Variants in WDR49 observed in about 807,000 individuals in gnomAD.
WDR49 encodes the protein WD repeat domain 49, also known as cilia- and flagella-associated protein 337.
WDR49 carries 107 observed loss-of-function variants against 119.5 expected under a neutral mutation model. The ratio of observed to expected loss-of-function variants is 0.90; its 90% confidence interval spans 0.77 to 1.05. WDR49 has a LOEUF of 1.05. WDR49 is among the 50% of genes least tolerant of loss of function. The probability of loss-of-function intolerance (pLI) is 0.00; values close to 1 mark genes in which losing one functional copy is unlikely to be tolerated. For missense variants in WDR49, 1,240 were observed against 1,220.5 expected, an observed-to-expected ratio of 1.02 and a Z score of -0.24; for synonymous variants, 425 against 418.8, an observed-to-expected ratio of 1.01 and a Z score of -0.18.
intron 16 of WDR49, among the ~76,000 whole-genome samples, chr3:167,506,501 A>C (rs1388741921): frequency 6.6e-6 from 1 of 152,220 alleles, no homozygotes; most frequent in Non-Finnish European, 1.5e-5. Flanking sequence ...TCTTAAACTT[A>C]ATATCAAATG....
At chr3:167,617,694 T>TA (rs1194251522) in intron 5 of WDR49, among the ~76,000 whole-genome samples, 1 of 152,066 alleles carries the variant, frequency 6.6e-6, no homozygotes, top group African/African-American at 2.4e-5. Context: ...AATCTTCAAA[T>TA]AAAAAATTCC....
rs116174482 is a variant in WDR49 at position 167,579,388 on chromosome 3, C to T, written c.1276-3237G>A. 3.9e-3 allele frequency among the ~76,000 whole-genome samples: 587 copies of T among 152,226 alleles called. 4 individuals are homozygous for T. Among genetic ancestry groups the T allele is most frequent in the South Asian group, 0.013 (63 of 4,826 alleles). On this transcript the variant is annotated intron_variant, in intron 7 of 18. Transcript: ENST00000682715. Reference sequence around the variant, plus strand: ...TGCCTCACTTCCACATATTTATTTACCCAATTGCAGTTCTCACATAATCCT... The same window carrying T: ...TGCCTCACTTCCACATATTTATTTATCCAATTGCAGTTCTCACATAATCCT...
chr3:167,602,314 C>A, intron 6 of WDR49, 39 bp from the exon 7 acceptor site: 1 of 1,508,246 alleles, frequency 6.6e-7, no homozygotes, highest in Non-Finnish European at 9.0e-7. Context: ...TTTTTAATAG[C>A]ATGAATAGCC....
intron 6 of WDR49, among the ~76,000 whole-genome samples, chr3:167,603,317 T>C (rs1715871271): frequency 6.6e-6 from 1 of 152,154 alleles, no homozygotes; most frequent in African/African-American, 2.4e-5. Context: ...GAGATTGAAA[T>C]GATTAACCAA....
Position 167,516,660 on chromosome 3 carries a change from C to A in WDR49, c.2774+5655G>T, listed in dbSNP as rs528223377. Among the ~76,000 whole-genome samples the A allele has an allele frequency of 9.2e-4, 140 of 152,138 alleles. 1 individual carries two copies. Among genetic ancestry groups the A allele is most frequent in the African/African-American group, 3.2e-3 (134 of 41,514 alleles). ...AAATGGTATTTCTAGTTCTAGATCC[C>A]TGAGGAATCGCCACACTGACTTCCA... On this transcript the variant is annotated intron_variant, in intron 16 of 18. Coordinates refer to ENST00000682715, the MANE Select transcript of WDR49 (RefSeq NM_001366157.1).
At chr3:167,615,655 G>A (rs1690781914) in intron 5 of WDR49, among the ~76,000 whole-genome samples, 1 of 151,812 alleles carries the variant, frequency 6.6e-6, no homozygotes, top group Non-Finnish European at 1.5e-5. Flanking sequence ...TTATTAATTA[G>A]AGACACAAGT....
rs188518252 is a variant in WDR49, at chr3:167,594,741, A to G, written c.1275+7386T>C. Among the ~76,000 whole-genome samples the G allele has an allele frequency of 8.8e-3, 1,337 of 151,866 alleles. 82 individuals carry two copies. In the East Asian group the frequency reaches 0.17, roughly 20 times the overall value. On this transcript the variant is annotated intron_variant, in intron 7 of 18. Transcript: ENST00000682715. ...CTCAAAATAATAAGAGCTATCTATG[A>G]CAAACCCACAGCCAATATCATACTG... is the stretch of plus-strand genomic sequence containing the variant.
At chr3:167,607,812 T>C (rs1196075148) in intron 5 of WDR49, among the ~76,000 whole-genome samples, 2 of 152,272 alleles carry the variant, frequency 1.3e-5, no homozygotes, top group African/African-American at 2.4e-5. Flanking sequence ...CACTTTTCTA[T>C]TGCCTCTGAT....
intron 2 of WDR49, among the ~76,000 whole-genome samples, chr3:167,628,905 G>A (rs1355963870): frequency 6.6e-6 from 1 of 152,092 alleles, no homozygotes; most frequent in Non-Finnish European, 1.5e-5. Context: ...TAACTGGTGA[G>A]TTTAAGCTGA....
chr3:167,620,068 G>C (rs182838478), intron 5 of WDR49, among the ~76,000 whole-genome samples: 1 of 152,218 alleles, frequency 6.6e-6, no homozygotes, highest in Non-Finnish European at 1.5e-5. Flanking sequence ...GAATGGTTCT[G>C]AGGGAACTTG....
At chr3:167,555,584 T>C (rs1301899381) in intron 9 of WDR49, among the ~76,000 whole-genome samples, 3 of 152,080 alleles carry the variant, frequency 2.0e-5, no homozygotes, top group South Asian at 2.1e-4. Context: ...GACTGAGCCC[T>C]CAACCTAGAG....
intron 17 of WDR49, among the ~76,000 whole-genome samples, chr3:167,503,208 A>G (rs1751643117): frequency 6.6e-6 from 1 of 152,204 alleles, no homozygotes; most frequent in Non-Finnish European, 1.5e-5. Context: ...ACAGAGTGCA[A>G]GAGTGAAGGA....
intron 10 of WDR49, among the ~76,000 whole-genome samples, chr3:167,545,111 C>T (rs138622091): frequency 1.4e-4 from 21 of 151,932 alleles, no homozygotes; most frequent in African/African-American, 4.3e-4. Context: ...CAACATCACT[C>T]ATTATCAGGG....
chr3:167,635,877 T>C (rs1717593535), intron 2 of WDR49, among the ~76,000 whole-genome samples: 1 of 151,766 alleles, frequency 6.6e-6, no homozygotes, highest in African/African-American at 2.4e-5. Context: ...ACCAGTTAGG[T>C]ATACGTATTT....
At chr3:167,481,814 C>A (rs952217643) in intron 18 of WDR49, among the ~76,000 whole-genome samples, 1 of 152,020 alleles carries the variant, frequency 6.6e-6, no homozygotes, top group African/African-American at 2.4e-5. Flanking sequence ...GAGAATAGCA[C>A]GAGAAAGACT....
intron 5 of WDR49, among the ~76,000 whole-genome samples, chr3:167,613,270 G>A (rs1178099763): frequency 6.6e-6 from 1 of 152,102 alleles, no homozygotes; most frequent in South Asian, 2.1e-4. Flanking sequence ...GCACTGCTAA[G>A]CATATTTAAA....
chr3:167,484,297 G>A (rs572348691), intron 18 of WDR49, among the ~76,000 whole-genome samples: 4 of 152,092 alleles, frequency 2.6e-5, no homozygotes, highest in Non-Finnish European at 5.9e-5. Flanking sequence ...GGCCTGTTGT[G>A]GGGTGAGGGG....
intron 16 of WDR49, among the ~76,000 whole-genome samples, chr3:167,514,904 A>G (rs1329990448): frequency 6.6e-6 from 1 of 152,190 alleles, no homozygotes; most frequent in Non-Finnish European, 1.5e-5. Context: ...AAATTCCTGG[A>G]CACAAACACC....
intron 16 of WDR49, among the ~76,000 whole-genome samples, chr3:167,520,077 A>G (rs1220226158): frequency 1.7e-5 from 2 of 115,018 alleles, no homozygotes; most frequent in Non-Finnish European, 3.7e-5. Flanking sequence ...ATAAAGAAAA[A>G]AATGTGTGTG....
Sources: gnomAD v4.1 joint callset for allele counts (sites outside exome capture counted in the v4.1 genomes callset) on GRCh38, gnomAD v4.1.1 for gene constraint, MANE v1.5 for transcripts, NCBI Gene and HGNC (gene_info 2026-07-23, HGNC 2026-07-21) for gene names.